The following KIF3B variants were observed in gnomAD, a reference collection of about 807,000 sequenced individuals.
KIF3B encodes the protein kinesin-like protein KIF3B.
A neutral mutation model predicts 74.3 loss-of-function variants in KIF3B; 38 were observed. That is an observed-to-expected ratio of 0.51 (90% CI 0.39 to 0.67). KIF3B has a LOEUF of 0.67. KIF3B is among the 30% of genes least tolerant of loss of function. The probability of loss-of-function intolerance (pLI) is 0.00; values close to 1 mark genes in which losing one functional copy is unlikely to be tolerated. For synonymous variants in KIF3B, 326 were observed against 342.5 expected, an observed-to-expected ratio of 0.95 and a Z score of 0.53; for missense variants, 649 against 932.0, an observed-to-expected ratio of 0.70 and a Z score of 3.95.
Position 32,334,690 on chromosome 20 carries a change from A to C in KIF3B, c.*3371A>C, listed in dbSNP as rs1227886554. 1 of 152,224 alleles carries C rather than the reference A, an allele frequency of 6.6e-6. No individual in the cohort carries two copies. Among genetic ancestry groups the C allele is most frequent in the African/African-American group, 2.4e-5 (1 of 41,450 alleles). 9.4% of individuals were successfully genotyped at this position (152,224 alleles called of 1,614,324 possible). ...TGGGCCTGGTGATTGTCTATCACGC[A>C]AGGCTTTGTTTTGTACTGTTCAGAA... On this transcript the variant is annotated 3_prime_UTR_variant, in exon 9 of 9. Coordinates refer to ENST00000375712, the MANE Select transcript of KIF3B (RefSeq NM_004798.4).
rs765983752 is a variant in KIF3B, at chr20:32,327,673, C to T, written c.1968+12C>T. 6 of 1,602,440 alleles carry T rather than the reference C, an allele frequency of 3.7e-6. No homozygotes were observed. The South Asian group carries it at 4.4e-5, about 12-fold the overall frequency. ...AGGCCCGATATAGGGTGAGAAGATC[C>T]TTCTTGGGTTTTTCTCCTGTCTCTT... On this transcript the variant is annotated intron_variant, in intron 7 of 8. Transcript: ENST00000375712.
chr20:32,299,965 T>TG (rs1306422955), intron 1 of KIF3B, among the ~76,000 whole-genome samples: 2 of 151,478 alleles, frequency 1.3e-5, no homozygotes, highest in Non-Finnish European at 2.9e-5. Flanking sequence ...TTTTTAAAGA[T>TG]GGGGTCTCCT....
rs1395386302 is a variant in KIF3B at position 32,334,372 on chromosome 20, A to G, written c.*3053A>G. On this transcript the variant is annotated 3_prime_UTR_variant, in exon 9 of 9. Transcript: ENST00000375712. ...CTTGAATTGCTCCACCCACACCTCC[A>G]TGACCAAGGGCGCCAGAGTGCTGCA... 1.3e-5 allele frequency: 2 copies of G among 152,512 alleles called. No individual in the cohort carries two copies. The highest frequency in any genetic ancestry group is 4.8e-5 in the African/African-American group (2 of 41,356). 9.4% of individuals were successfully genotyped at this position (152,512 alleles called of 1,614,324 possible). A position where few individuals can be genotyped will look rare whatever the true frequency, so the allele number is the denominator to read the frequency against.
At chr20:32,309,195 A>ATTT (rs779522474) in intron 1 of KIF3B, among the ~76,000 whole-genome samples, 1 of 126,600 alleles carries the variant, frequency 7.9e-6, no homozygotes. Flanking sequence ...TGTTGTTGGT[A>ATTT]TTTTTTTTTT....
At chr20:32,302,756 A>G (rs1423126663) in intron 1 of KIF3B, among the ~76,000 whole-genome samples, 1 of 152,168 alleles carries the variant, frequency 6.6e-6, no homozygotes, top group African/African-American at 2.4e-5. Context: ...CTTTGCACCT[A>G]GATCAGCTTT....
At chr20:32,325,940 T>A (rs1481393746) in intron 5 of KIF3B, among the ~76,000 whole-genome samples, 3 of 152,184 alleles carry the variant, frequency 2.0e-5, no homozygotes, top group African/African-American at 7.2e-5. Flanking sequence ...GTGTTAGGAT[T>A]ACAGACATGA....
At chr20:32,281,747 A>C (rs2047644077) in intron 1 of KIF3B, among the ~76,000 whole-genome samples, 1 of 152,138 alleles carries the variant, frequency 6.6e-6, no homozygotes, top group African/African-American at 2.4e-5. Flanking sequence ...AAACAAAAAG[A>C]AAAAGAAAAG....
intron 1 of KIF3B, among the ~76,000 whole-genome samples, chr20:32,298,681 T>G (rs2047727766): frequency 7.0e-6 from 1 of 143,260 alleles, no homozygotes; most frequent in Admixed American, 6.9e-5. Flanking sequence ...CTCCCCTCTC[T>G]TCCCCTTCCC....
At chr20:32,299,152 A>C (rs1303458622) in intron 1 of KIF3B, among the ~76,000 whole-genome samples, 4 of 151,826 alleles carry the variant, frequency 2.6e-5, no homozygotes, top group Non-Finnish European at 5.9e-5. Context: ...CAGATAGTAA[A>C]TATTTTAGTA....
chr20:32,281,697 A>G (rs2047643721), intron 1 of KIF3B, among the ~76,000 whole-genome samples: 1 of 152,188 alleles, frequency 6.6e-6, no homozygotes, highest in African/African-American at 2.4e-5. Context: ...AGCCTGGGCA[A>G]CAGAGCGAGA....
chr20:32,316,920 C>A, intron 5 of KIF3B, 46 bp downstream of exon 5: 2 of 1,341,538 alleles, frequency 1.5e-6, no homozygotes, highest in South Asian at 1.2e-5. Context: ...CTTGCTGAGT[C>A]ATTGATCTCG....
At chr20:32,284,283 T>C (rs1210392575) in intron 1 of KIF3B, among the ~76,000 whole-genome samples, 1 of 152,200 alleles carries the variant, frequency 6.6e-6, no homozygotes, top group Non-Finnish European at 1.5e-5. Flanking sequence ...CGCTCTTTCC[T>C]GTGCATTCTC....
chr20:32,331,131 A>T, intron 8 of KIF3B, 92 bp from the exon 9 acceptor site: 14 of 903,762 alleles, frequency 1.5e-5, no homozygotes, highest in East Asian at 1.0e-4. Flanking sequence ...CAGGCCATTG[A>T]AGAATGGCCT....
At chr20:32,309,668 C>A in intron 1 of KIF3B, 45 bp from the exon 2 acceptor site, 1 of 1,238,402 alleles carries the variant, frequency 8.1e-7, no homozygotes, top group Non-Finnish European at 1.1e-6. Context: ...AGGCAGGCTG[C>A]AATGACAACG....
At chr20:32,311,271 A>ACATCATCCC in intron 2 of KIF3B, 90 bp downstream of exon 2, 3 of 1,368,776 alleles carry the variant, frequency 2.2e-6, no homozygotes, top group Non-Finnish European at 2.9e-6. Context: ...CATATGAGGG[A>ACATCATCCC]TGATGTCTCT....
At chr20:32,309,153 A>G (rs534176948) in intron 1 of KIF3B, among the ~76,000 whole-genome samples, 10 of 151,020 alleles carry the variant, frequency 6.6e-5, no homozygotes, top group Admixed American at 4.6e-4. Flanking sequence ...AGTAGCTAAG[A>G]CTACAGGCAT....
chr20:32,322,772 A>ATTTATTTATTTT (rs1284616165), intron 5 of KIF3B, among the ~76,000 whole-genome samples: 1 of 47,460 alleles, frequency 2.1e-5, no homozygotes, highest in African/African-American at 1.9e-4. Context: ...ATATATTTAT[A>ATTTATTTATTTT]TATATATTTA....
At chr20:32,327,512 C>T in intron 6 of KIF3B, 44 bp from the exon 7 acceptor site, 1 of 1,543,158 alleles carries the variant, frequency 6.5e-7, no homozygotes, top group Non-Finnish European at 9.0e-7. Context: ...GTGCTGGTTC[C>T]ACAGGACTCC....
chr20:32,316,652 A>G lies in KIF3B; in HGVS notation c.1629+3A>G, dbSNP rs6058640. 1 of 1,614,190 alleles carries G rather than the reference A, an allele frequency of 6.2e-7. No individual in the cohort carries two copies. The highest frequency in any genetic ancestry group is 8.5e-7 in the Non-Finnish European group (1 of 1,180,026). On this transcript the variant is annotated splice_donor_region_variant and intron_variant, in intron 4 of 8. Coordinates refer to ENST00000375712, the MANE Select transcript of KIF3B (RefSeq NM_004798.4). The stretch of plus-strand genomic sequence containing the variant: ...TCAAGACCAAAAAACTCAAAAAGGT[A>G]TGAAAGGAATGAGGCCAGATGGAGT...
Sources: allele counts gnomAD v4.1 joint callset (sites outside exome capture counted in the v4.1 genomes callset), GRCh38; gene constraint gnomAD v4.1.1; transcripts MANE v1.5; gene names NCBI Gene and HGNC (gene_info 2026-07-23, HGNC 2026-07-21).